ANKRD10: variants seen among roughly 807,000 people sequenced by gnomAD.
ANKRD10 encodes ankyrin repeat domain 10.
ANKRD10 carries 14 observed loss-of-function variants against 27.0 expected under a neutral mutation model. The ratio of observed to expected loss-of-function variants is 0.52; its 90% CI spans 0.34 to 0.81. The LOEUF is 0.81. Ranked by LOEUF, ANKRD10 falls within the 40% of genes least tolerant of loss-of-function variation. The pLI is 0.01. For missense variants in ANKRD10, 493 were observed against 544.0 expected (o/e 0.91, Z 0.93); for synonymous variants, 250 against 224.5 (o/e 1.11, Z -1.01).
rs967453550 is a variant in ANKRD10, at chr13:110,883,730, A to G, written c.755T>C (p.Met252Thr). 6.2e-7 allele frequency: 1 copy of G among 1,614,176 alleles called. No homozygotes were observed. The highest frequency in any genetic ancestry group is 8.5e-7 in the Non-Finnish European group (1 of 1,180,022). Residue 252 changes from methionine to threonine, a missense_variant, in exon 5 of 6, where the codon ATG (methionine) becomes ACG (threonine). Met to Thr is a moderately conservative substitution (Grantham distance 81). Coordinates refer to ENST00000267339, the MANE Select transcript of ANKRD10 (RefSeq NM_017664.4). ...NGDTEDDADK[M>T]HVDREFAVVT... ...AACAGCAAACTCCCTATCAACGTGC[A>G]TTTTGTCAGCATCGTCTTCTGTGTC...
At chr13:110,891,871 CTTTTTTTTTTT>C (rs10553815) in intron 4 of ANKRD10, among the ~76,000 whole-genome samples, 6 of 121,242 alleles carry the variant, frequency 4.9e-5, no homozygotes, top group Non-Finnish European at 1.0e-4. Context: ...CTTATTAAGA[CTTTTTTTTTTT>C]TTTTTTTTTA....
Position 110,893,127 on chromosome 13 carries a change from G to C in ANKRD10, c.592C>G (p.His198Asp). 6.2e-7 allele frequency: 1 copy of C among 1,614,160 alleles called. No individual in the cohort carries two copies. The highest frequency in any genetic ancestry group is 2.2e-5 in the East Asian group (1 of 44,884). ...FYNNGILNGGHQNVFPNHISV... is the reference protein window; with the variant it reads ...FYNNGILNGGDQNVFPNHISV... ...ATATGATTAGGAAATACATTCTGAT[G>C]ACCCCCATTTAAGATGCCATTGTTA... is the stretch of plus-strand genomic sequence containing the variant. Residue 198 changes from histidine (H) to aspartate (D), a missense_variant, in exon 4 of 6, where the codon CAT becomes GAT. By Grantham distance (81) the His-to-Asp change is moderately conservative (BLOSUM62 -1). Transcript: ENST00000267339.
At chr13:110,908,100 G>A (rs1043241789) in intron 2 of ANKRD10, among the ~76,000 whole-genome samples, 4 of 152,110 alleles carry the variant, frequency 2.6e-5, no homozygotes, top group Non-Finnish European at 4.4e-5. Flanking sequence ...GAAGGTGCCC[G>A]GGCCTCCAGC....
rs2138814514 is a variant in ANKRD10, at chr13:110,879,336, G to C, written c.*301C>G. On this transcript the variant is annotated 3_prime_UTR_variant, in exon 6 of 6. Transcript: ENST00000267339. ...TGATCATATAATCTTTTAACAAAAA[G>C]AAAAATGGCAATATCTGGTGACAGT... is the stretch of plus-strand genomic sequence containing the variant. 1 of 310,552 alleles carries C rather than the reference G, an allele frequency of 3.2e-6. No homozygotes were observed. Among genetic ancestry groups the C allele is most frequent in the East Asian group, 5.6e-5 (1 of 17,974 alleles). The allele number at this position is 310,552 out of a possible 1,614,324, so 19.2% of individuals were successfully genotyped here. A position where few individuals can be genotyped will look rare whatever the true frequency, so the allele number is the denominator to read the frequency against.
At chr13:110,892,590 AC>A in intron 4 of ANKRD10, 1 of 384,004 alleles carries the variant, frequency 2.6e-6, no homozygotes. Flanking sequence ...AGTACAGAAA[AC>A]ATTCACCTTC....
chr13:110,899,828 CA>C (rs11307438), intron 3 of ANKRD10, among the ~76,000 whole-genome samples: 96,234 of 150,252 alleles, frequency 0.64, 31,093 homozygotes, highest in East Asian at 0.84. Context: ...AAGTAACTTG[CA>C]AAAAAAAAAA....
intron 3 of ANKRD10, chr13:110,905,253 A>G (rs959454687): frequency 1.3e-5 from 2 of 152,206 alleles, no homozygotes; most frequent in African/African-American, 4.8e-5. Flanking sequence ...AAAAATTTTT[A>G]TAATATAAAT....
chr13:110,888,490 A>G (rs1231656091), intron 4 of ANKRD10, among the ~76,000 whole-genome samples: 1 of 152,192 alleles, frequency 6.6e-6, no homozygotes, highest in African/African-American at 2.4e-5. Flanking sequence ...GCAAATTTGA[A>G]AACAGTGAGG....
chr13:110,909,215 A>T (rs1234814290), intron 2 of ANKRD10, among the ~76,000 whole-genome samples: 1 of 152,232 alleles, frequency 6.6e-6, no homozygotes, highest in Non-Finnish European at 1.5e-5. Context: ...AACCTACAAA[A>T]ATGATATACT....
intron 3 of ANKRD10, among the ~76,000 whole-genome samples, chr13:110,899,891 T>G (rs754006820): frequency 1.3e-5 from 2 of 152,178 alleles, no homozygotes; most frequent in Non-Finnish European, 2.9e-5. Context: ...ATGCTATATT[T>G]TCTTATTCTG....
intron 4 of ANKRD10, among the ~76,000 whole-genome samples, chr13:110,888,921 C>A (rs958873675): frequency 2.0e-5 from 3 of 152,168 alleles, no homozygotes; most frequent in African/African-American, 7.2e-5. Flanking sequence ...GTCACCACAG[C>A]CTACTTCTGG....
Position 110,879,489 on chromosome 13 carries a change from G to A in ANKRD10, c.*148C>T. On this transcript the variant is annotated 3_prime_UTR_variant, in exon 6 of 6. Coordinates refer to ENST00000267339, the MANE Select transcript of ANKRD10 (RefSeq NM_017664.4). ...ACTCATGCACAAACAAGCAGTTGCT[G>A]GGAACTTGTCGAAGTTTACTTTTTC... 3.1e-6 allele frequency: 2 copies of A among 650,458 alleles called. No individual in the cohort carries two copies. The highest frequency in any genetic ancestry group is 4.2e-4 in the Middle Eastern group (1 of 2,364). The allele number at this position is 650,458 out of a possible 1,614,324, so 40.3% of individuals were successfully genotyped here.
At position 110,914,962 on chromosome 13, in the gene ANKRD10, G is replaced by C. The variant is rs2065849237; in HGVS notation, c.-28C>G. On this transcript the variant is annotated 5_prime_UTR_variant, in exon 1 of 6. Transcript: ENST00000267339. Reference sequence around the variant, plus strand: ...TCCGTCACCGGAGAGCGCGGGGCTCGCTGGCCTAGAGGACGCGTCGGGGAG... The same window carrying C: ...TCCGTCACCGGAGAGCGCGGGGCTCCCTGGCCTAGAGGACGCGTCGGGGAG... The C allele has an allele frequency of 6.6e-7, 1 of 1,523,422 alleles. No homozygotes were observed. Among genetic ancestry groups the C allele is most frequent in the Non-Finnish European group, 8.8e-7 (1 of 1,140,918 alleles). The allele number at this position is 1,523,422 out of a possible 1,614,324, so 94.4% of individuals were successfully genotyped here. A position where few individuals can be genotyped will look rare whatever the true frequency, so the allele number is the denominator to read the frequency against.
intron 4 of ANKRD10, among the ~76,000 whole-genome samples, chr13:110,885,243 T>C (rs1264781060): frequency 6.6e-6 from 1 of 151,802 alleles, no homozygotes; most frequent in Non-Finnish European, 1.5e-5. Context: ...AGGGCATCTT[T>C]TGAAAAAAAG....
intron 1 of ANKRD10, among the ~76,000 whole-genome samples, chr13:110,911,952 CTT>C (rs1438500997): frequency 1.3e-5 from 2 of 152,196 alleles, no homozygotes; most frequent in Admixed American, 6.5e-5. Context: ...TTTTTTTACT[CTT>C]TTCAAAACCC....
At chr13:110,894,998 T>C (rs1266158372) in intron 3 of ANKRD10, 4 of 152,072 alleles carry the variant, frequency 2.6e-5, no homozygotes, top group Non-Finnish European at 5.9e-5. Context: ...TCAAAAGATA[T>C]CAGAAGTGCA....
intron 5 of ANKRD10, chr13:110,883,447 A>C: frequency 5.2e-6 from 6 of 1,155,344 alleles, no homozygotes; most frequent in Non-Finnish European, 6.5e-6. Flanking sequence ...TGTATCTACA[A>C]ACTTGCCCAA....
Position 110,914,983 on chromosome 13 carries a change from G to A in ANKRD10, c.-49C>T, listed in dbSNP as rs2065850834. 4 of 1,503,156 alleles carry A rather than the reference G, an allele frequency of 2.7e-6. No homozygotes were observed. The highest frequency in any genetic ancestry group is 2.8e-5 in the African/African-American group (2 of 71,772). The allele number at this position is 1,503,156 out of a possible 1,614,324, so 93.1% of individuals were successfully genotyped here. A position where few individuals can be genotyped will look rare whatever the true frequency, so the allele number is the denominator to read the frequency against. On this transcript the variant is annotated 5_prime_UTR_variant, in exon 1 of 6. Transcript: ENST00000267339. Reference sequence around the variant, plus strand: ...GCTCGCTGGCCTAGAGGACGCGTCGGGGAGGACTCGAGAAGCCGCCGCCGC... The same window carrying A: ...GCTCGCTGGCCTAGAGGACGCGTCGAGGAGGACTCGAGAAGCCGCCGCCGC...
intron 1 of ANKRD10, among the ~76,000 whole-genome samples, chr13:110,911,313 G>T (rs182679197): frequency 6.6e-6 from 1 of 151,670 alleles, no homozygotes; most frequent in African/African-American, 2.4e-5. Flanking sequence ...TTAGCCGGGC[G>T]TGGTGGCGGG....
Sources: gnomAD v4.1 joint callset for allele counts (sites outside exome capture counted in the v4.1 genomes callset) on GRCh38, gnomAD v4.1.1 for gene constraint, MANE v1.5 for transcripts, NCBI Gene and HGNC (gene_info 2026-07-23, HGNC 2026-07-21) for gene names.